The following TMEM117 variants were observed in gnomAD, a reference collection of about 807,000 sequenced individuals.
TMEM117 encodes the protein transmembrane protein 117.
Under a neutral mutation model 52.4 loss-of-function variants are expected in TMEM117, and 27 were observed. The observed-to-expected ratio is 0.51, with a 90% confidence interval of 0.38 to 0.71. The LOEUF (loss-of-function observed/expected upper bound fraction) is 0.71. Among genes scored for constraint, TMEM117 ranks in the 30% least tolerant of loss-of-function variants. The pLI, the probability that TMEM117 is intolerant of heterozygous loss-of-function variation, is 0.00. For missense variants in TMEM117, 556 were observed against 630.5 expected, an observed-to-expected ratio of 0.88 and a Z score of 1.26; for synonymous variants, 215 against 206.3, an observed-to-expected ratio of 1.04 and a Z score of -0.36.
At chr12:44,040,019 A>T (rs923982199) in intron 3 of TMEM117, among the ~76,000 whole-genome samples, 4 of 152,172 alleles carry the variant, frequency 2.6e-5, no homozygotes, top group African/African-American at 9.7e-5. Context: ...ATGTTTAACA[A>T]TAGGTTACCT....
intron 5 of TMEM117, among the ~76,000 whole-genome samples, chr12:44,227,503 G>T (rs934618185): frequency 3.3e-5 from 5 of 151,988 alleles, no homozygotes; most frequent in Admixed American, 6.6e-5. Flanking sequence ...GCAAGAAAAT[G>T]GATTATTTGA....
intron 7 of TMEM117, among the ~76,000 whole-genome samples, chr12:44,383,433 T>C (rs1402427103): frequency 6.6e-6 from 1 of 152,104 alleles, no homozygotes; most frequent in Non-Finnish European, 1.5e-5. Context: ...AAAGATAAAA[T>C]TTTCATTATA....
At chr12:44,331,762 A>G (rs2138725754) in intron 6 of TMEM117, among the ~76,000 whole-genome samples, 1 of 152,082 alleles carries the variant, frequency 6.6e-6, no homozygotes, top group Non-Finnish European at 1.5e-5. Flanking sequence ...TGTCCACTGG[A>G]AATTTTTCCC....
chr12:44,335,910 G>A (rs1431825514), intron 6 of TMEM117, among the ~76,000 whole-genome samples: 1 of 151,892 alleles, frequency 6.6e-6, no homozygotes. Context: ...ATCTAAAGGG[G>A]GAAATGTTTG....
intron 2 of TMEM117, among the ~76,000 whole-genome samples, chr12:43,869,983 C>T (rs1358682939): frequency 2.0e-5 from 3 of 152,162 alleles, no homozygotes; most frequent in Non-Finnish European, 4.4e-5. Flanking sequence ...CATGTGTTTT[C>T]ATCATTTAGC....
At chr12:44,232,281 A>G (rs1032889182) in intron 5 of TMEM117, among the ~76,000 whole-genome samples, 4 of 151,606 alleles carry the variant, frequency 2.6e-5, no homozygotes, top group Non-Finnish European at 4.4e-5. Context: ...TCTACAATCC[A>G]ACTGGTGTTA....
rs1950062894 is a variant in TMEM117 at position 44,241,592 on chromosome 12, T to C, written c.608+30205T>C. ...AGAGCGCTCTCCTACTCCAAGATTA[T>C]GAAAAACATTTTCTCTTTGGTTTCT... On this transcript the variant is annotated intron_variant, in intron 5 of 7. Coordinates refer to ENST00000266534, the MANE Select transcript of TMEM117 (RefSeq NM_032256.3). Among the ~76,000 whole-genome samples, 7 of 151,952 alleles carry C rather than the reference T, an allele frequency of 4.6e-5. No individual in the cohort carries two copies. In the South Asian group the frequency reaches 1.4e-3, roughly 31 times the overall value.
At chr12:44,365,069 G>A (rs1036433797) in intron 6 of TMEM117, among the ~76,000 whole-genome samples, 3 of 152,040 alleles carry the variant, frequency 2.0e-5, no homozygotes, top group African/African-American at 7.2e-5. Flanking sequence ...TAGGGAGATA[G>A]TATTCATTAC....
chr12:43,979,351 T>C (rs1003432670), intron 3 of TMEM117, among the ~76,000 whole-genome samples: 7 of 152,136 alleles, frequency 4.6e-5, no homozygotes, highest in Middle Eastern at 3.2e-3. Flanking sequence ...TAGTAAAATA[T>C]CATCCATAAA....
chr12:44,359,080 G>C (rs756449548), intron 6 of TMEM117, among the ~76,000 whole-genome samples: 1 of 151,964 alleles, frequency 6.6e-6, no homozygotes, highest in Non-Finnish European at 1.5e-5. Context: ...ACCCAGAGCT[G>C]AAAAGGAATT....
intron 3 of TMEM117, among the ~76,000 whole-genome samples, chr12:44,071,417 G>A (rs1389306424): frequency 1.3e-5 from 2 of 152,160 alleles, no homozygotes; most frequent in African/African-American, 4.8e-5. Context: ...AAGCCCCTAG[G>A]TTTAGGCATA....
intron 6 of TMEM117, among the ~76,000 whole-genome samples, chr12:44,304,037 A>G (rs953261748): frequency 6.6e-6 from 1 of 152,244 alleles, no homozygotes; most frequent in African/African-American, 2.4e-5. Flanking sequence ...CATAAGAACC[A>G]AAAATCAGAT....
chr12:44,087,434 G>GTGTA (rs60335561), intron 3 of TMEM117, among the ~76,000 whole-genome samples: 15,867 of 150,040 alleles, frequency 0.11, 892 homozygotes, highest in African/African-American at 0.14. Context: ...CTTTCTATGT[G>GTGTA]TGTATGTATG....
chr12:44,336,616 T>A (rs941166534), intron 6 of TMEM117, among the ~76,000 whole-genome samples: 1 of 151,966 alleles, frequency 6.6e-6, no homozygotes, highest in Non-Finnish European at 1.5e-5. Context: ...AAATAATTCC[T>A]GGATTCCTGG....
chr12:44,180,123 A>G (rs548343625), intron 4 of TMEM117, among the ~76,000 whole-genome samples: 1 of 152,218 alleles, frequency 6.6e-6, no homozygotes, highest in Admixed American at 6.5e-5. Flanking sequence ...AAGGCACCAA[A>G]AAATGTGGCC....
intron 3 of TMEM117, among the ~76,000 whole-genome samples, chr12:44,027,088 T>C (rs1019522318): frequency 1.1e-3 from 4 of 3,514 alleles, no homozygotes; most frequent in Non-Finnish European, 7.6e-3. Flanking sequence ...TAGCCTATTT[T>C]ATTTTATTTT....
At chr12:43,857,431 G>A (rs1019433873) in intron 2 of TMEM117, among the ~76,000 whole-genome samples, 1 of 151,794 alleles carries the variant, frequency 6.6e-6, no homozygotes, top group East Asian at 1.9e-4. Context: ...CCCATGGGAG[G>A]TAATGCTAGA....
intron 3 of TMEM117, among the ~76,000 whole-genome samples, chr12:43,971,905 A>T (rs372402304): frequency 4.9e-4 from 74 of 152,344 alleles, no homozygotes; most frequent in Admixed American, 1.2e-3. Flanking sequence ...GTAACTTCTC[A>T]GTTCCCCATC....
chr12:44,381,608 C>T (rs577897295), intron 7 of TMEM117, among the ~76,000 whole-genome samples: 2 of 152,178 alleles, frequency 1.3e-5, no homozygotes, highest in East Asian at 1.9e-4. Context: ...ACTGTTGGCA[C>T]GATGATGCCC....
Sources: gnomAD v4.1 joint callset for allele counts (sites outside exome capture counted in the v4.1 genomes callset) on GRCh38, gnomAD v4.1.1 for gene constraint, MANE v1.5 for transcripts, NCBI Gene and HGNC (gene_info 2026-07-23, HGNC 2026-07-21) for gene names.